Variants in SEMA4B observed in about 807,000 individuals in gnomAD.
The protein encoded by SEMA4B is semaphorin 4B.
In SEMA4B, 55 loss-of-function variants were observed where a neutral mutation model predicts 88.1. That is an observed-to-expected ratio of 0.62 (90% CI 0.50 to 0.78). The LOEUF (loss-of-function observed/expected upper bound fraction) is 0.78. Ranked by LOEUF, SEMA4B falls within the 30% of genes least tolerant of loss-of-function variation. The pLI, the probability that SEMA4B is intolerant of heterozygous loss-of-function variation, is 0.00. For synonymous variants in SEMA4B, 525 were observed against 473.6 expected (o/e 1.11, Z -1.41); for missense variants, 1,062 against 1,111.9 (o/e 0.96, Z 0.64).
At chr15:90,201,139 C>G (rs1442502934), upstream of SEMA4B, among the ~76,000 whole-genome samples, 1 of 152,112 alleles carries the variant, frequency 6.6e-6, no homozygotes, top group East Asian at 1.9e-4. Context: ...GGGCGGGGAG[C>G]TGGGGGTCGG....
chr15:90,222,993 C>T (rs1306670897), intron 7 of SEMA4B, among the ~76,000 whole-genome samples: 3 of 117,636 alleles, frequency 2.6e-5, no homozygotes, highest in African/African-American at 1.1e-4. Context: ...CTTTTTGAGA[C>T]AGGGTCTCAC....
chr15:90,199,791 A>T (rs928864273), upstream of SEMA4B, among the ~76,000 whole-genome samples: 3 of 151,884 alleles, frequency 2.0e-5, no homozygotes, highest in African/African-American at 7.3e-5. Context: ...GCACCATTGC[A>T]CTCCAGCCTG....
chr15:90,228,186 G>A lies in SEMA4B; in HGVS notation c.2057G>A (p.Gly686Asp), dbSNP rs753906170. ...GGGGTGGCAGACCAAACAGATGAGG[G>A]TGGCAGTGTACCCGTCATTATCAGC... is the stretch of plus-strand genomic sequence containing the variant. The part of the protein sequence containing the change: ...EDGVADQTDE[G>D]GSVPVIISTS... Residue 686 changes from glycine to aspartate, a missense_variant, in exon 14 of 14, where the codon GGT becomes GAT. Transcript: ENST00000411539. The A allele has an allele frequency of 1.2e-6, 2 of 1,610,520 alleles. No homozygotes were observed. Among genetic ancestry groups the A allele is most frequent in the Admixed American group, 1.7e-5 (1 of 59,344 alleles).
rs777407157 is a variant in SEMA4B at position 90,228,487 on chromosome 15, G to T, written c.2358G>T (p.Gly786=). Residue 786 remains glycine (G), a synonymous_variant, in exon 14 of 14, where the codon GGG becomes GGT. Transcript: ENST00000411539. The part of the protein sequence containing the change: ...GPPSTPLDHR[G]YQSLSDSPPG... Reference sequence around the variant, plus strand: ...CTAGCACCCCGCTCGATCACCGAGGGTACCAGTCCCTGTCAGACAGCCCCC... The same window carrying T: ...CTAGCACCCCGCTCGATCACCGAGGTTACCAGTCCCTGTCAGACAGCCCCC... The T allele has an allele frequency of 9.9e-6, 16 of 1,610,478 alleles. No homozygotes were observed. Among genetic ancestry groups the T allele is most frequent in the African/African-American group, 1.3e-5 (1 of 74,868 alleles).
Position 90,228,638 on chromosome 15 carries a change from G to C in SEMA4B, c.2509G>C (p.Val837Leu), listed in dbSNP as rs376280406. 3.7e-6 allele frequency: 6 copies of C among 1,613,210 alleles called. No individual in the cohort carries two copies. The African/African-American group carries it at 8.0e-5, about 21-fold the overall frequency. Reference protein sequence around the residue: ...RLGSEIRDSVV With the variant: ...RLGSEIRDSVL ...TGGCTCGGAGATCCGTGACTCTGTG[G>C]TGTGAGAGCTGACTTCCAGAGGACG... The change falls in exon 14 of 14, where the codon GTG becomes CTG. Residue 837 changes from valine to leucine, a missense_variant. Transcript: ENST00000411539.
In SEMA4B at chr15:90,225,063, C is replaced by T. The variant is rs759725332; in HGVS notation, c.1290C>T (p.Asp430=). ...LNFLKDHFLM[D]GQVRSRMLLL... ...TCCTCAAGGACCACTTCCTGATGGA[C>T]GGGCAGGTCCGAAGCCGCATGCTGC... The change falls in exon 10 of 14, where the codon GAC becomes GAT. Residue 430 remains aspartate, a synonymous_variant. Coordinates refer to ENST00000411539, the MANE Select transcript of SEMA4B (RefSeq NM_198925.4). 2.7e-5 allele frequency: 43 copies of T among 1,613,728 alleles called. No individual in the cohort carries two copies. The highest frequency in any genetic ancestry group is 1.6e-4 in the East Asian group (7 of 44,898).
chr15:90,213,728 C>G (rs541188549), intron 1 of SEMA4B, among the ~76,000 whole-genome samples: 1 of 152,242 alleles, frequency 6.6e-6, no homozygotes, highest in East Asian at 1.9e-4. Context: ...CGCTCTTTTG[C>G]AGGTAGATAA....
At chr15:90,211,490 G>T (rs1163110464) in intron 1 of SEMA4B, among the ~76,000 whole-genome samples, 2 of 152,198 alleles carry the variant, frequency 1.3e-5, no homozygotes, top group African/African-American at 4.8e-5. Context: ...CACTGGGCTG[G>T]TGTCAGCAGA....
chr15:90,207,220 C>T (rs1004992365), intron 1 of SEMA4B, among the ~76,000 whole-genome samples: 1 of 152,182 alleles, frequency 6.6e-6, no homozygotes, highest in African/African-American at 2.4e-5. Context: ...TGCATGGAAG[C>T]TCTATTCTGC....
rs908260337 is a variant in SEMA4B, at chr15:90,229,092, A to G, written c.*449A>G. 5 of 354,912 alleles carry G rather than the reference A, an allele frequency of 1.4e-5. No individual in the cohort carries two copies. Among genetic ancestry groups the G allele is most frequent in the African/African-American group, 1.1e-4 (5 of 46,568 alleles). The allele number at this position is 354,912 out of a possible 1,614,324, so 22.0% of individuals were successfully genotyped here. ...ACCAACTGGCCTCTTCACCTTCCAC[A>G]TTATCCCGCTGCCACCGGCTGCCCT... On this transcript the variant is annotated 3_prime_UTR_variant, in exon 14 of 14. Transcript: ENST00000411539.
In SEMA4B at chr15:90,203,160, C is replaced by T. The variant is rs139643078; in HGVS notation, c.157+1425C>T. ...GAACCGCTGAATGAGTGTTACTCAG[C>T]TCAGAGTTTACTTCTGTACATCTTG... On this transcript the variant is annotated intron_variant, in intron 1 of 13. Coordinates refer to ENST00000411539, the MANE Select transcript of SEMA4B (RefSeq NM_198925.4). 3.9e-5 allele frequency among the ~76,000 whole-genome samples: 6 copies of T among 152,330 alleles called. No homozygotes were observed. In the East Asian group the frequency reaches 1.2e-3, roughly 29 times the overall value.
exon 1 of SEMA4B, chr15:90,185,014 A>C: frequency 1.0e-6 from 1 of 985,724 alleles, no homozygotes; most frequent in Non-Finnish European, 1.2e-6. Flanking sequence ...GGGACGAGTC[A>C]GTGGACACTC....
chr15:90,228,164 G>A lies in SEMA4B; in HGVS notation c.2035G>A (p.Val679Met). The change falls in exon 14 of 14, where the codon GTG becomes ATG. Residue 679 changes from valine (V) to methionine (M), a missense_variant. Coordinates refer to ENST00000411539, the MANE Select transcript of SEMA4B (RefSeq NM_198925.4). ...SYCPEVVEDG[V>M]ADQTDEGGSV... ...CTGCCCAGAGGTGGTGGAGGACGGG[G>A]TGGCAGACCAAACAGATGAGGGTGG... 6.2e-7 allele frequency: 1 copy of A among 1,610,720 alleles called. No homozygotes were observed. The highest frequency in any genetic ancestry group is 1.1e-5 in the South Asian group (1 of 90,498).
In SEMA4B at chr15:90,217,610, A is replaced by C; in HGVS notation, c.321+8A>C. On this transcript the variant is annotated splice_region_variant and intron_variant, in intron 2 of 13. Transcript: ENST00000411539. ...GGCGGGGAGTACCAGGAGGTGAGAG[A>C]TGTTGCCTGGAGCTGGCTAGGCTGG... 2 of 1,613,282 alleles carry C rather than the reference A, an allele frequency of 1.2e-6. No homozygotes were observed.
In SEMA4B at chr15:90,206,860, G is replaced by A. The variant is rs570398587; in HGVS notation, c.157+5125G>A. Reference sequence around the variant, plus strand: ...AGGTCTCTGTCAAATTGACAGAGAGGGGAAACCCCGTAAAGTGGTTGGTTG... The same window carrying A: ...AGGTCTCTGTCAAATTGACAGAGAGAGGAAACCCCGTAAAGTGGTTGGTTG... On this transcript the variant is annotated intron_variant, in intron 1 of 13. Coordinates refer to ENST00000411539, the MANE Select transcript of SEMA4B (RefSeq NM_198925.4). The A allele has an allele frequency of 9.8e-6, 7 of 715,650 alleles. No individual in the cohort carries two copies. In the African/African-American group the frequency reaches 1.2e-4, roughly 12 times the overall value. 44.3% of individuals were successfully genotyped at this position (715,650 alleles called of 1,614,324 possible).
intron 5 of SEMA4B, 78 bp downstream of exon 5, chr15:90,221,171 G>A: frequency 8.4e-7 from 1 of 1,184,674 alleles, no homozygotes; most frequent in South Asian, 1.3e-5. Context: ...CTTTGGACAG[G>A]CTGAGTCCAT....
intron 3 of SEMA4B, among the ~76,000 whole-genome samples, chr15:90,218,851 C>T (rs533690900): frequency 1.8e-4 from 27 of 152,070 alleles, no homozygotes; most frequent in Admixed American, 9.2e-4. Context: ...ATGTTATTGG[C>T]GGGGCGTGGG....
Position 90,226,758 on chromosome 15 carries a change from G to A in SEMA4B, c.1689-799G>A, listed in dbSNP as rs1026955047. On this transcript the variant is annotated intron_variant, in intron 12 of 13. Transcript: ENST00000411539. ...AAACCAAGTGAGTTTTGGTGCGTAT[G>A]CCAGGAGGGACACCCCAGAATGTTA... 2.0e-5 allele frequency among the ~76,000 whole-genome samples: 3 copies of A among 152,126 alleles called. No individual in the cohort carries two copies. In the East Asian group the frequency reaches 5.8e-4, roughly 29 times the overall value.
At chr15:90,188,526 G>C (rs2151581534) in intron 1 of SEMA4B, among the ~76,000 whole-genome samples, 1 of 152,052 alleles carries the variant, frequency 6.6e-6, no homozygotes, top group East Asian at 2.0e-4. Context: ...TACCCGGGAG[G>C]CTGAAGCAGG....
Sources: allele counts gnomAD v4.1 joint callset (sites outside exome capture counted in the v4.1 genomes callset), GRCh38; gene constraint gnomAD v4.1.1; transcripts MANE v1.5; gene names NCBI Gene and HGNC (gene_info 2026-07-23, HGNC 2026-07-21).